The following RBM6 variants were observed in gnomAD, a reference collection of about 807,000 sequenced individuals.
RBM6 encodes RNA-binding protein 6.
A neutral mutation model predicts 140.4 loss-of-function variants in RBM6; 23 were observed. The observed-to-expected ratio is 0.16, with a 90% confidence interval of 0.12 to 0.23. The LOEUF is 0.23. RBM6 is among the 10% of genes least tolerant of loss of function. The probability of loss-of-function intolerance (pLI) is 1.00; values close to 1 mark genes in which losing one functional copy is unlikely to be tolerated. For missense variants in RBM6, 1,139 were observed against 1,386.7 expected (o/e 0.82, Z 2.84); for synonymous variants, 439 against 475.6 (o/e 0.92, Z 1.00).
At chr3:49,946,601 T>G (rs528882151) in intron 1 of RBM6, among the ~76,000 whole-genome samples, 3 of 152,176 alleles carry the variant, frequency 2.0e-5, no homozygotes, top group South Asian at 2.1e-4. Flanking sequence ...AGTGGCATGA[T>G]CTCGGCTCAC....
chr3:49,942,313 C>G (rs560993093), intron 1 of RBM6, among the ~76,000 whole-genome samples: 6 of 149,668 alleles, frequency 4.0e-5, no homozygotes, highest in African/African-American at 1.5e-4. Flanking sequence ...CACGGTGAAA[C>G]CCCATCTCTA....
At position 50,057,938 on chromosome 3, in the gene RBM6, C is replaced by T. The variant is rs1303682931; in HGVS notation, c.1904C>T (p.Thr635Ile). 1.2e-6 allele frequency: 2 copies of T among 1,614,030 alleles called. No homozygotes were observed. The highest frequency in any genetic ancestry group is 2.2e-5 in the East Asian group (1 of 44,894). ...YLPPSRREGP[T>I]FRRDRERESW... ...CCTCCTTCTCGAAGGGAAGGGCCAA[C>T]TTTCCGAAGAGACCGAGAGAGGGAG... Residue 635 changes from threonine to isoleucine, a missense_variant, in exon 9 of 21, where the codon ACT (threonine) becomes ATT (isoleucine). Thr to Ile is a moderately conservative substitution (Grantham distance 89). This residue lies in a region of RBM6 where 109 missense variants were observed against 101.9 expected (regional missense o/e 1.07). Coordinates refer to ENST00000266022, the MANE Select transcript of RBM6 (RefSeq NM_005777.3).
At chr3:50,064,799 A>G (rs760389864) in intron 15 of RBM6, among the ~76,000 whole-genome samples, 3 of 152,016 alleles carry the variant, frequency 2.0e-5, no homozygotes, top group African/African-American at 7.2e-5. Flanking sequence ...CAGCCTCCCT[A>G]CTAACTGGGA....
chr3:50,039,518 T>C (rs2088755859), intron 6 of RBM6, among the ~76,000 whole-genome samples: 1 of 138,950 alleles, frequency 7.2e-6, no homozygotes, highest in Non-Finnish European at 1.5e-5. Context: ...CCCAAAGTGC[T>C]GGGATTACAG....
chr3:50,038,805 C>T (rs1240642423), intron 6 of RBM6, among the ~76,000 whole-genome samples: 1 of 152,110 alleles, frequency 6.6e-6, no homozygotes, highest in South Asian at 2.1e-4. Context: ...TGCACTCCAG[C>T]CTAGGCAACA....
At chr3:49,955,884 GTA>G (rs1194346357) in intron 1 of RBM6, among the ~76,000 whole-genome samples, 68 of 151,224 alleles carry the variant, frequency 4.5e-4, no homozygotes, top group African/African-American at 6.8e-4. Context: ...GTGTGTGTGT[GTA>G]TATGTATATA....
intron 6 of RBM6, among the ~76,000 whole-genome samples, chr3:50,020,518 C>T (rs2087422765): frequency 6.6e-6 from 1 of 152,198 alleles, no homozygotes; most frequent in African/African-American, 2.4e-5. Context: ...ATTTCCCTCT[C>T]AGCACTGCTT....
intron 5 of RBM6, among the ~76,000 whole-genome samples, chr3:49,991,376 T>C (rs988496069): frequency 4.6e-5 from 7 of 152,146 alleles, no homozygotes; most frequent in Non-Finnish European, 1.0e-4. Flanking sequence ...AGTGGGTGAT[T>C]TGCTCAAGCC....
At chr3:49,940,859 G>C (rs566864252) in intron 1 of RBM6, 2 of 148,550 alleles carry the variant, frequency 1.3e-5, no homozygotes, top group Non-Finnish European at 3.0e-5. Flanking sequence ...TAGAATTGAC[G>C]TTAGGCGAAT....
chr3:50,059,886 C>A (rs2245365), intron 11 of RBM6, 140 bp downstream of exon 11: 306,564 of 583,912 alleles, frequency 0.53, 85,618 homozygotes, highest in East Asian at 0.85. Context: ...ATTACAGTTT[C>A]TTTCTGAAGC....
intron 1 of RBM6, 55 bp from the exon 2 acceptor site, chr3:49,962,521 T>G (rs1012650732): frequency 3.6e-6 from 3 of 835,066 alleles, no homozygotes; most frequent in Non-Finnish European, 5.7e-6. Flanking sequence ...GGGAAACTGG[T>G]TTAGCTTTTA....
chr3:49,991,117 G>A (rs1318727997), intron 5 of RBM6, among the ~76,000 whole-genome samples: 2 of 152,150 alleles, frequency 1.3e-5, no homozygotes, highest in Admixed American at 1.3e-4. Flanking sequence ...TAATATGGCT[G>A]CAAAAAACTC....
chr3:49,985,598 G>GTTTATT (rs1016588300), intron 5 of RBM6, among the ~76,000 whole-genome samples: 2 of 152,080 alleles, frequency 1.3e-5, no homozygotes, highest in African/African-American at 2.4e-5. Context: ...TTAAGAATGA[G>GTTTATT]TTTATTTTTA....
At chr3:49,949,832 T>G (rs2083656826) in intron 1 of RBM6, among the ~76,000 whole-genome samples, 1 of 152,014 alleles carries the variant, frequency 6.6e-6, no homozygotes, top group East Asian at 1.9e-4. Context: ...TTTATTTATT[T>G]TATTCTCAGC....
chr3:49,946,935 G>A (rs2083512783), intron 1 of RBM6, among the ~76,000 whole-genome samples: 1 of 151,200 alleles, frequency 6.6e-6, no homozygotes, highest in South Asian at 2.1e-4. Flanking sequence ...CTGATGATAA[G>A]TGATGTTGAG....
At chr3:49,943,816 G>A (rs1467278234) in intron 1 of RBM6, among the ~76,000 whole-genome samples, 1 of 152,120 alleles carries the variant, frequency 6.6e-6, no homozygotes. Context: ...CTCAATGGCT[G>A]CATCGTTTTA....
chr3:49,942,496 C>CA (rs34097467), intron 1 of RBM6, among the ~76,000 whole-genome samples: 25,847 of 99,826 alleles, frequency 0.26, 2,891 homozygotes, highest in Middle Eastern at 0.32. Context: ...GACTCCATCT[C>CA]AAAAAAAAAA....
intron 15 of RBM6, among the ~76,000 whole-genome samples, 168 bp downstream of exon 15, chr3:50,062,276 G>A (rs1016186208): frequency 1.3e-5 from 2 of 152,078 alleles, no homozygotes; most frequent in Admixed American, 6.5e-5. Context: ...AGGCCAAGGC[G>A]GGCGGATCAT....
rs187440350 is a variant in RBM6 at position 50,047,000 on chromosome 3, C to T, written c.1558-1245C>T. On this transcript the variant is annotated intron_variant, in intron 6 of 20. Transcript: ENST00000266022. The stretch of plus-strand genomic sequence containing the variant: ...TTAGTAAGTGCTTAATAAATGTTAG[C>T]GATTTTTATTATCATTGTCCTTAGC... The T allele has an allele frequency of 2.7e-3, 534 of 197,014 alleles. 2 individuals carry two copies. Among genetic ancestry groups the T allele is most frequent in the African/African-American group, 0.012 (509 of 42,338 alleles). The allele number at this position is 197,014 out of a possible 1,614,324, so 12.2% of individuals were successfully genotyped here.
Sources: gnomAD v4.1 joint callset for allele counts (sites outside exome capture counted in the v4.1 genomes callset) on GRCh38, gnomAD v4.1.1 for gene constraint, gnomAD v4.1.1 regional missense constraint, MANE v1.5 for transcripts, NCBI Gene and HGNC (gene_info 2026-07-23, HGNC 2026-07-21) for gene names.